Variants in ARHGAP15 observed in about 807,000 individuals in gnomAD.
The protein encoded by ARHGAP15 is Rho GTPase activating protein 15.
ARHGAP15 carries 51 observed loss-of-function variants against 63.7 expected under a neutral mutation model. That is an observed-to-expected ratio of 0.80 (90% CI 0.64 to 1.01). ARHGAP15 has a LOEUF of 1.01. Ranked by LOEUF, ARHGAP15 falls within the 50% of genes least tolerant of loss-of-function variation. ARHGAP15 has a pLI of 0.00. For synonymous variants in ARHGAP15, 191 were observed against 193.8 expected (o/e 0.99, Z 0.12); for missense variants, 560 against 564.6 (o/e 0.99, Z 0.08).
chr2:143,206,370 G>A (rs1206595738), intron 3 of ARHGAP15, among the ~76,000 whole-genome samples: 1 of 152,142 alleles, frequency 6.6e-6, no homozygotes, highest in African/African-American at 2.4e-5. Context: ...TTAAAACAAT[G>A]TTGCTAGTTG....
chr2:143,212,915 A>AT (rs1692613475), intron 3 of ARHGAP15, among the ~76,000 whole-genome samples: 1 of 152,208 alleles, frequency 6.6e-6, no homozygotes, highest in Non-Finnish European at 1.5e-5. Flanking sequence ...ACTTGCCAGC[A>AT]TGAGACCCTT....
intron 6 of ARHGAP15, among the ~76,000 whole-genome samples, chr2:143,432,923 T>G (rs998566263): frequency 6.6e-6 from 1 of 152,018 alleles, no homozygotes; most frequent in Non-Finnish European, 1.5e-5. Context: ...CTATAAGTTC[T>G]TCCTTCATCC....
intron 11 of ARHGAP15, among the ~76,000 whole-genome samples, chr2:143,580,462 C>T (rs954026436): frequency 2.0e-5 from 3 of 152,072 alleles, no homozygotes; most frequent in Non-Finnish European, 4.4e-5. Context: ...ATGTTTATTT[C>T]CACCTCGATG....
intron 6 of ARHGAP15, among the ~76,000 whole-genome samples, chr2:143,428,496 T>C (rs143725181): frequency 6.6e-6 from 1 of 151,782 alleles, no homozygotes; most frequent in Admixed American, 6.6e-5. Flanking sequence ...TAGTATGGAC[T>C]TGAAGGAAAA....
At chr2:143,379,487 A>ATATATGTGTGTG (rs1202571594) in intron 6 of ARHGAP15, among the ~76,000 whole-genome samples, 61 of 129,838 alleles carry the variant, frequency 4.7e-4, no homozygotes, top group African/African-American at 1.7e-3. Flanking sequence ...AGGCATATAT[A>ATATATGTGTGTG]TGTGTGTGTG....
intron 1 of ARHGAP15, among the ~76,000 whole-genome samples, chr2:143,130,453 T>C (rs1437223213): frequency 6.6e-6 from 1 of 152,146 alleles, no homozygotes; most frequent in African/African-American, 2.4e-5. Flanking sequence ...ATTATTTTTA[T>C]TGTGCTGCTG....
chr2:143,455,487 C>G (rs1391858193), intron 8 of ARHGAP15, among the ~76,000 whole-genome samples: 2 of 151,940 alleles, frequency 1.3e-5, no homozygotes, highest in African/African-American at 4.8e-5. Flanking sequence ...GGATTGCAGC[C>G]CCAGAGGTTT....
intron 11 of ARHGAP15, among the ~76,000 whole-genome samples, chr2:143,590,282 C>G (rs999726564): frequency 3.9e-5 from 6 of 152,154 alleles, no homozygotes; most frequent in African/African-American, 1.4e-4. Flanking sequence ...AAAAGTAGCT[C>G]AGAAACACTT....
chr2:143,504,305 G>A lies in ARHGAP15; in HGVS notation c.827-14961G>A, dbSNP rs535467242. ...AACATGTATTGAGGACCTAGCATGT[G>A]GCAAGCCATAGGCTGGGCACTGGGC... On this transcript the variant is annotated intron_variant, in intron 9 of 13. Transcript: ENST00000295095. Among the ~76,000 whole-genome samples, 5 of 152,108 alleles carry A rather than the reference G, an allele frequency of 3.3e-5. No individual in the cohort carries two copies. In the South Asian group the frequency reaches 1.0e-3, roughly 32 times the overall value.
rs183305566 is a variant in ARHGAP15 at position 143,441,432 on chromosome 2, A to G, written c.703+4390A>G. On this transcript the variant is annotated intron_variant, in intron 8 of 13. Coordinates refer to ENST00000295095, the MANE Select transcript of ARHGAP15 (RefSeq NM_018460.4). ...GAAAAGCATGCCATTCAGAAATTCA[A>G]GTTGATGGGAAGGATTCAGCATTAG... Among the ~76,000 whole-genome samples the G allele has an allele frequency of 9.8e-5, 15 of 152,314 alleles. No individual in the cohort carries two copies. The East Asian group carries it at 1.2e-3, about 12-fold the overall frequency.
At chr2:143,442,708 A>T (rs572483087) in intron 8 of ARHGAP15, among the ~76,000 whole-genome samples, 59 of 152,304 alleles carry the variant, frequency 3.9e-4, no homozygotes, top group Non-Finnish European at 1.5e-5. Context: ...TAAACATTTG[A>T]TGAATCTAGG....
At chr2:143,519,566 T>C in intron 10 of ARHGAP15, 1 of 392,282 alleles carries the variant, frequency 2.5e-6, no homozygotes, top group East Asian at 5.2e-5. Flanking sequence ...ACTAATGTTC[T>C]TTTTTGTTTT....
intron 6 of ARHGAP15, among the ~76,000 whole-genome samples, chr2:143,393,138 A>T (rs1190863726): frequency 6.6e-6 from 1 of 152,180 alleles, no homozygotes; most frequent in Non-Finnish European, 1.5e-5. Flanking sequence ...AATTGAAGAA[A>T]AATAAAGTTA....
chr2:143,538,040 CCT>C, intron 10 of ARHGAP15, among the ~76,000 whole-genome samples: 1 of 152,200 alleles, frequency 6.6e-6, no homozygotes, highest in East Asian at 1.9e-4. Flanking sequence ...TTGTTTGTAT[CCT>C]CTTTTATTTC....
At chr2:143,252,691 C>A (rs1450902015) in intron 6 of ARHGAP15, among the ~76,000 whole-genome samples, 1 of 151,982 alleles carries the variant, frequency 6.6e-6, no homozygotes, top group African/African-American at 2.4e-5. Flanking sequence ...TTTTCATCAC[C>A]TAAATGCATG....
intron 12 of ARHGAP15, among the ~76,000 whole-genome samples, chr2:143,655,911 G>A (rs929587752): frequency 6.6e-6 from 1 of 152,050 alleles, no homozygotes; most frequent in African/African-American, 2.4e-5. Flanking sequence ...TCAACAACTA[G>A]AGAATATCAT....
intron 6 of ARHGAP15, among the ~76,000 whole-genome samples, chr2:143,308,027 C>A (rs1289163238): frequency 6.6e-6 from 1 of 151,928 alleles, no homozygotes. Context: ...AACATTTAAG[C>A]AAAATTTAAG....
chr2:143,646,042 A>G (rs879765626), intron 12 of ARHGAP15, among the ~76,000 whole-genome samples: 1 of 152,094 alleles, frequency 6.6e-6, no homozygotes, highest in Admixed American at 6.6e-5. Flanking sequence ...GGATTTCTTC[A>G]GCACGCACTA....
chr2:143,301,593 G>A (rs186779442), intron 6 of ARHGAP15, among the ~76,000 whole-genome samples: 26 of 151,972 alleles, frequency 1.7e-4, no homozygotes, highest in African/African-American at 3.1e-4. Context: ...TTTTAAGCGT[G>A]AAACTTTCAT....
Sources: gnomAD v4.1 joint callset for allele counts (sites outside exome capture counted in the v4.1 genomes callset) on GRCh38, gnomAD v4.1.1 for gene constraint, MANE v1.5 for transcripts, NCBI Gene and HGNC (gene_info 2026-07-23, HGNC 2026-07-21) for gene names.